PDE4B: variants seen among roughly 807,000 people sequenced by gnomAD.
PDE4B encodes the protein 3',5'-cyclic-AMP phosphodiesterase 4B.
PDE4B carries 20 observed loss-of-function variants against 82.2 expected under a neutral mutation model. The ratio of observed to expected loss-of-function variants is 0.24; its 90% CI spans 0.17 to 0.35. PDE4B has a LOEUF of 0.35. Among genes scored for constraint, PDE4B ranks in the 10% least tolerant of loss-of-function variants. The pLI, the probability that PDE4B is intolerant of heterozygous loss-of-function variation, is 1.00. For missense variants in PDE4B, 655 were observed against 907.2 expected, an observed-to-expected ratio of 0.72 and a Z score of 3.57; for synonymous variants, 320 against 318.9, an observed-to-expected ratio of 1.00 and a Z score of -0.04.
At chr1:66,331,103 A>G (rs1660073059) in intron 7 of PDE4B, among the ~76,000 whole-genome samples, 1 of 152,200 alleles carries the variant, frequency 6.6e-6, no homozygotes. Context: ...AGTTCTGTTG[A>G]TTCTCTTTTC....
At chr1:66,045,967 A>G (rs997354459) in intron 3 of PDE4B, among the ~76,000 whole-genome samples, 2 of 151,798 alleles carry the variant, frequency 1.3e-5, no homozygotes, top group Non-Finnish European at 2.9e-5. Flanking sequence ...ATGCTAGGGA[A>G]TCAGACTTGA....
At chr1:66,350,593 A>G (rs1040820684) in intron 8 of PDE4B, among the ~76,000 whole-genome samples, 1 of 152,122 alleles carries the variant, frequency 6.6e-6, no homozygotes, top group South Asian at 2.1e-4. Flanking sequence ...TTCCTGTGTT[A>G]TCACTATTCT....
At chr1:66,205,243 A>G (rs1649453263) in intron 3 of PDE4B, among the ~76,000 whole-genome samples, 1 of 152,240 alleles carries the variant, frequency 6.6e-6, no homozygotes, top group Non-Finnish European at 1.5e-5. Context: ...GTCAAGACAT[A>G]GTTGCTTCTA....
intron 1 of PDE4B, among the ~76,000 whole-genome samples, chr1:65,864,588 G>T (rs1646489953): frequency 6.6e-6 from 1 of 152,088 alleles, no homozygotes; most frequent in South Asian, 2.1e-4. Context: ...GTTGCTTTCT[G>T]TTTGTTAGTT....
intron 3 of PDE4B, among the ~76,000 whole-genome samples, chr1:66,207,088 G>GC (rs910354598): frequency 2.8e-4 from 43 of 152,224 alleles, no homozygotes; most frequent in African/African-American, 1.0e-3. Context: ...GACTAAATAA[G>GC]CCCAACTTAT....
At chr1:65,831,538 C>G (rs1646081659) in intron 1 of PDE4B, among the ~76,000 whole-genome samples, 1 of 152,094 alleles carries the variant, frequency 6.6e-6, no homozygotes, top group South Asian at 2.1e-4. Context: ...AGTTTAAAAC[C>G]TGCTAAAGGA....
At chr1:66,069,996 T>C (rs1171463317) in intron 3 of PDE4B, among the ~76,000 whole-genome samples, 1 of 152,082 alleles carries the variant, frequency 6.6e-6, no homozygotes, top group Non-Finnish European at 1.5e-5. Flanking sequence ...TGTGCATGTG[T>C]GTACTATGTA....
chr1:66,143,428 A>C (rs907522221), intron 3 of PDE4B, among the ~76,000 whole-genome samples: 12 of 152,186 alleles, frequency 7.9e-5, no homozygotes, highest in African/African-American at 2.9e-4. Flanking sequence ...CAATCTGAGC[A>C]CGGTTGAAGT....
chr1:65,834,337 A>T (rs1646116857), intron 1 of PDE4B, among the ~76,000 whole-genome samples: 1 of 152,152 alleles, frequency 6.6e-6, no homozygotes, highest in Non-Finnish European at 1.5e-5. Context: ...TGGCCTAAGC[A>T]AGTTTCTTTA....
chr1:66,185,344 G>A (rs1282808088), intron 3 of PDE4B, among the ~76,000 whole-genome samples: 1 of 152,182 alleles, frequency 6.6e-6, no homozygotes, highest in Non-Finnish European at 1.5e-5. Context: ...ATAACCCTTC[G>A]GGTATATACC....
chr1:66,159,184 A>G (rs1239618235), intron 3 of PDE4B, among the ~76,000 whole-genome samples: 1 of 152,204 alleles, frequency 6.6e-6, no homozygotes, highest in Non-Finnish European at 1.5e-5. Flanking sequence ...ATGTATTGGA[A>G]CATCACACTT....
intron 1 of PDE4B, among the ~76,000 whole-genome samples, chr1:65,848,808 T>C (rs2101378786): frequency 6.6e-6 from 1 of 152,304 alleles, no homozygotes; most frequent in Non-Finnish European, 1.5e-5. Flanking sequence ...TTGAATTCTT[T>C]CCAGTTGCCA....
At chr1:66,131,714 T>C (rs997009337) in intron 3 of PDE4B, among the ~76,000 whole-genome samples, 1 of 147,670 alleles carries the variant, frequency 6.8e-6, no homozygotes, top group Non-Finnish European at 1.5e-5. Flanking sequence ...ATCAACAATA[T>C]TTATTGCGAA....
At chr1:66,288,257 G>A (rs1656823083) in intron 7 of PDE4B, among the ~76,000 whole-genome samples, 1 of 151,978 alleles carries the variant, frequency 6.6e-6, no homozygotes, top group South Asian at 2.1e-4. Flanking sequence ...GATCTTATGA[G>A]AAATCACTCA....
chr1:66,088,187 A>T (rs1001203335), intron 3 of PDE4B, among the ~76,000 whole-genome samples: 1 of 152,058 alleles, frequency 6.6e-6, no homozygotes, highest in Non-Finnish European at 1.5e-5. Flanking sequence ...GGGAGGACAC[A>T]GTGAATCTGA....
intron 1 of PDE4B, among the ~76,000 whole-genome samples, chr1:65,899,081 A>G (rs558645923): frequency 6.6e-6 from 1 of 152,224 alleles, no homozygotes; most frequent in South Asian, 2.1e-4. Context: ...CAGAAGAATA[A>G]TATCCAGAAT....
At chr1:66,128,166 A>G (rs1645863148) in intron 3 of PDE4B, among the ~76,000 whole-genome samples, 1 of 152,174 alleles carries the variant, frequency 6.6e-6, no homozygotes, top group Admixed American at 6.5e-5. Flanking sequence ...AATCAAGGTG[A>G]AAGGGTTTGT....
chr1:65,816,190 A>T lies in PDE4B; in HGVS notation c.-71+22942A>T, dbSNP rs891684926. On this transcript the variant is annotated intron_variant, in intron 1 of 16. Coordinates refer to ENST00000341517, the MANE Select transcript of PDE4B (RefSeq NM_002600.4). ...TTCTGTTTTTAGTGATTATTAATGC[A>T]GTGTGTGTGTGTGTGTGTGTGTGTG... 2.9e-4 allele frequency among the ~76,000 whole-genome samples: 39 copies of T among 132,882 alleles called. No individual in the cohort carries two copies. The East Asian group carries it at 8.2e-3, about 28-fold the overall frequency. 87.2% of individuals were successfully genotyped at this position (132,882 alleles called of 152,430 possible).
intron 3 of PDE4B, among the ~76,000 whole-genome samples, chr1:66,106,761 A>G (rs1369570826): frequency 1.3e-5 from 2 of 149,662 alleles, no homozygotes; most frequent in Non-Finnish European, 3.0e-5. Context: ...GGTAGTTTGT[A>G]TTTCTGTGGG....
Sources: allele counts gnomAD v4.1 joint callset (sites outside exome capture counted in the v4.1 genomes callset), GRCh38; gene constraint gnomAD v4.1.1; transcripts MANE v1.5; gene names NCBI Gene and HGNC (gene_info 2026-07-23, HGNC 2026-07-21).